Variants in MGA observed in about 807,000 individuals in gnomAD.
The protein encoded by MGA is MAX gene-associated protein.
A neutral mutation model predicts 261.1 loss-of-function variants in MGA; 40 were observed. That is an observed-to-expected ratio of 0.15 (90% confidence interval 0.12 to 0.20). The LOEUF (loss-of-function observed/expected upper bound fraction) is 0.20, where lower values mean the gene tolerates loss of function less well. Among genes scored for constraint, MGA ranks in the 10% least tolerant of loss-of-function variants. MGA has a pLI of 1.00. For synonymous variants in MGA, 1,302 were observed against 1,290.6 expected, an observed-to-expected ratio of 1.01 and a Z score of -0.19; for missense variants, 3,397 against 3,630.5, an observed-to-expected ratio of 0.94 and a Z score of 1.65.
chr15:41,625,279 A>G (rs145254871), intron 1 of MGA, among the ~76,000 whole-genome samples: 1 of 152,280 alleles, frequency 6.6e-6, no homozygotes, highest in East Asian at 1.9e-4. Flanking sequence ...TAAAAGACAA[A>G]TTTATTTATT....
Position 41,713,373 on chromosome 15 carries a change from G to A in MGA, c.3307G>A (p.Ala1103Thr), listed in dbSNP as rs766417789. 3 of 1,612,336 alleles carry A rather than the reference G, an allele frequency of 1.9e-6. No homozygotes were observed. Among genetic ancestry groups the A allele is most frequent in the East Asian group, 2.2e-5 (1 of 44,880 alleles). The stretch of plus-strand genomic sequence containing the variant: ...CAAAACTAAGCATTTTCAGAGGAAG[G>A]CTGCTCATCGAGATCCAGTATTTTA... The change falls in exon 9 of 24, where the codon GCT becomes ACT. Residue 1103 changes from alanine (A) to threonine (T), a missense_variant. Transcript: ENST00000219905.
At position 41,713,300 on chromosome 15, in the gene MGA, T is replaced by C; in HGVS notation, c.3234T>C (p.Phe1078=). The C allele has an allele frequency of 6.2e-7, 1 of 1,613,968 alleles. No homozygotes were observed. The highest frequency in any genetic ancestry group is 1.1e-5 in the South Asian group (1 of 91,082). Residue 1078 remains phenylalanine, a synonymous_variant, in exon 9 of 24, where the codon TTT becomes TTC. Coordinates refer to ENST00000219905, the MANE Select transcript of MGA (RefSeq NM_001164273.2). The stretch of plus-strand genomic sequence containing the variant: ...ACTGCCGCCGACCAGACTGCATGTT[T>C]GGTTGTACTTGTTTGAAAAGAAAAG...
rs549348195 is a variant in MGA at position 41,703,371 on chromosome 15, C to CG, written c.2188+4212_2188+4213insG. On this transcript the variant is annotated intron_variant, in intron 5 of 23. Coordinates refer to ENST00000219905, the MANE Select transcript of MGA (RefSeq NM_001164273.2). ...TCAGTTTATTCATTGTGAAGTTACC[C>CG]CCCCCCCCACTCCCCACCCTCCCTT... is the stretch of plus-strand genomic sequence containing the variant. 3.0e-4 allele frequency among the ~76,000 whole-genome samples: 40 copies of CG among 134,130 alleles called. 1 individual carries two copies. Among genetic ancestry groups the CG allele is most frequent in the African/African-American group, 6.1e-4 (23 of 37,540 alleles). 88.0% of individuals were successfully genotyped at this position (134,130 alleles called of 152,430 possible).
At position 41,684,470 on chromosome 15, in the gene MGA, C is replaced by T. The variant is rs1416776441; in HGVS notation, c.1065-11605C>T. The T allele has an allele frequency of 1.4e-5, 6 of 415,088 alleles. No individual in the cohort carries two copies. The East Asian group carries it at 2.9e-4, about 20-fold the overall frequency. 25.7% of individuals were successfully genotyped at this position (415,088 alleles called of 1,614,324 possible). A position where few individuals can be genotyped will look rare whatever the true frequency, so the allele number is the denominator to read the frequency against. On this transcript the variant is annotated intron_variant, in intron 2 of 23. Coordinates refer to ENST00000219905, the MANE Select transcript of MGA (RefSeq NM_001164273.2). The stretch of plus-strand genomic sequence containing the variant: ...AACTTAACTGTTTGTGAAATTTTTT[C>T]CCCAAGGCAAGATTTCATTCATCAT...
intron 18 of MGA, among the ~76,000 whole-genome samples, chr15:41,756,086 T>A (rs1245701029): frequency 6.6e-6 from 1 of 152,094 alleles, no homozygotes; most frequent in Admixed American, 6.5e-5. Flanking sequence ...AAAATACAAG[T>A]TAAAAGAATT....
intron 13 of MGA, among the ~76,000 whole-genome samples, chr15:41,738,459 T>C (rs528143197): frequency 1.6e-4 from 25 of 152,352 alleles, no homozygotes; most frequent in African/African-American, 6.0e-4. Flanking sequence ...TGCAGTTTAC[T>C]GTTGTGCATG....
At chr15:41,762,461 G>GTTTTTTTTTTTGTTT (rs2063525666) in intron 22 of MGA, 99 bp downstream of exon 22, 1 of 125,094 alleles carries the variant, frequency 8.0e-6, no homozygotes, top group African/African-American at 6.6e-5. Flanking sequence ...GTTTTGTGTG[G>GTTTTTTTTTTTGTTT]TTTTTTTTTT....
In MGA at chr15:41,749,655, C is replaced by T. The variant is rs748055243; in HGVS notation, c.6048C>T (p.Thr2016=). The T allele has an allele frequency of 6.2e-7, 1 of 1,614,004 alleles. No homozygotes were observed. The highest frequency in any genetic ancestry group is 1.1e-5 in the South Asian group (1 of 91,080). Residue 2016 remains threonine (T), a synonymous_variant, in exon 17 of 24, where the codon ACC becomes ACT. Coordinates refer to ENST00000219905, the MANE Select transcript of MGA (RefSeq NM_001164273.2). ...TAAAACAAAACTCAGGAGCTGCTAC[C>T]TCAGAAGAAACTCTGAATGATTCCT... is the stretch of plus-strand genomic sequence containing the variant.
intron 2 of MGA, among the ~76,000 whole-genome samples, chr15:41,675,828 C>T (rs1011640988): frequency 4.6e-5 from 7 of 152,122 alleles, no homozygotes; most frequent in African/African-American, 1.4e-4. Flanking sequence ...CCCTCTTTTA[C>T]GTGACCTTCA....
At chr15:41,656,344 T>TTCTC (rs59370765), upstream of MGA, among the ~76,000 whole-genome samples, 345 of 60,042 alleles carry the variant, frequency 5.7e-3, 35 homozygotes, top group African/African-American at 0.013. Context: ...CTCTCCTCTC[T>TTCTC]TCTCTCTCTC....
chr15:41,721,476 A>G (rs1474564709), intron 9 of MGA, among the ~76,000 whole-genome samples: 3 of 152,208 alleles, frequency 2.0e-5, no homozygotes. Context: ...TCAAAAATAA[A>G]TAAAAGCAGA....
chr15:41,710,481 G>T (rs896218999), intron 7 of MGA, among the ~76,000 whole-genome samples: 1 of 152,026 alleles, frequency 6.6e-6, no homozygotes, highest in East Asian at 1.9e-4. Context: ...TACTTAGGCT[G>T]GTCTTGAACT....
rs144499857 is a variant in MGA, at chr15:41,696,107, G to A, written c.1097G>A (p.Arg366His). 848 of 1,612,860 alleles carry A rather than the reference G, an allele frequency of 5.3e-4. 1 individual carries two copies. In the African/African-American group the frequency reaches 5.9e-3, roughly 11 times the overall value. ...GCCAGCAGTTTTGAAGATGACTCCC[G>A]TGTAGCCTCACCGTTAGACCAGAAC... is the stretch of plus-strand genomic sequence containing the variant. The change falls in exon 3 of 24, where the codon CGT becomes CAT. Residue 366 changes from arginine to histidine, a missense_variant. Around this residue, in one of 9 missense-constraint regions of MGA, gnomAD observed 563 missense variants for 563.6 expected, o/e 1.00. Coordinates refer to ENST00000219905, the MANE Select transcript of MGA (RefSeq NM_001164273.2).
intron 14 of MGA, 122 bp from the exon 15 acceptor site, chr15:41,742,424 C>A: frequency 1.7e-6 from 2 of 1,153,980 alleles, no homozygotes; most frequent in East Asian, 4.7e-5. Context: ...ACAAATAATA[C>A]AGGTAGGTAG....
At chr15:41,729,024 C>T in intron 10 of MGA, 140 bp from the exon 11 acceptor site, 1 of 817,858 alleles carries the variant, frequency 1.2e-6, no homozygotes, top group Non-Finnish European at 1.9e-6. Flanking sequence ...ATGAACTGTA[C>T]TTGTGCTGTT....
chr15:41,736,054 T>TA (rs2061760445), intron 12 of MGA, 127 bp from the exon 13 acceptor site: 1 of 847,022 alleles, frequency 1.2e-6, no homozygotes, highest in Non-Finnish European at 1.7e-6. Flanking sequence ...TGAAAGTTGA[T>TA]ACATTTTAAG....
chr15:41,752,846 A>G (rs887093268), intron 17 of MGA, among the ~76,000 whole-genome samples: 1 of 152,204 alleles, frequency 6.6e-6, no homozygotes, highest in African/African-American at 2.4e-5. Flanking sequence ...GGCATGAGCA[A>G]CTGCCTCCGG....
intron 11 of MGA, among the ~76,000 whole-genome samples, chr15:41,733,838 G>A (rs2061637822): frequency 6.6e-6 from 1 of 151,892 alleles, no homozygotes; most frequent in Admixed American, 6.6e-5. Flanking sequence ...TGATCCTGGA[G>A]TAATTTTAAA....
chr15:41,625,143 A>G (rs576175338), intron 1 of MGA, among the ~76,000 whole-genome samples: 1 of 152,196 alleles, frequency 6.6e-6, no homozygotes, highest in Non-Finnish European at 1.5e-5. Flanking sequence ...CCCAGGCTCA[A>G]CAAAAGAGAA....
Sources: allele counts gnomAD v4.1 joint callset (sites outside exome capture counted in the v4.1 genomes callset), GRCh38; gene constraint gnomAD v4.1.1; regional missense constraint gnomAD v4.1.1; transcripts MANE v1.5; gene names NCBI Gene and HGNC (gene_info 2026-07-23, HGNC 2026-07-21).